HACL1: variants seen among roughly 807,000 people sequenced by gnomAD.
The protein encoded by HACL1 is 1600020H07Rik.
HACL1 carries 64 observed loss-of-function variants against 74.2 expected under a neutral mutation model. That is an observed-to-expected ratio of 0.86 (90% CI 0.70 to 1.06). The LOEUF is 1.06. Ranked by LOEUF, HACL1 falls within the 50% of genes least tolerant of loss-of-function variation. The probability of loss-of-function intolerance (pLI) is 0.00; values close to 1 mark genes in which losing one functional copy is unlikely to be tolerated. For synonymous variants in HACL1, 230 were observed against 238.8 expected, an observed-to-expected ratio of 0.96 and a Z score of 0.34; for missense variants, 728 against 719.7, an observed-to-expected ratio of 1.01 and a Z score of -0.13.
chr3:15,588,788 T>TCGC (rs2063837713), intron 5 of HACL1, among the ~76,000 whole-genome samples: 1 of 148,318 alleles, frequency 6.7e-6, no homozygotes, highest in Non-Finnish European at 1.5e-5. Flanking sequence ...TGACATATTC[T>TCGC]TTCAAGTTTC....
chr3:15,586,092 C>G (rs1386328918), intron 6 of HACL1, among the ~76,000 whole-genome samples: 1 of 152,136 alleles, frequency 6.6e-6, no homozygotes, highest in African/African-American at 2.4e-5. Flanking sequence ...AATCTGCAGT[C>G]AGAAACACTT....
At chr3:15,590,001 C>A (rs755130331) in intron 4 of HACL1, among the ~76,000 whole-genome samples, 23 of 151,894 alleles carry the variant, frequency 1.5e-4, no homozygotes, top group Non-Finnish European at 2.8e-4. Context: ...TGCCACTGCA[C>A]CCCAGCCTGG....
intron 2 of HACL1, among the ~76,000 whole-genome samples, chr3:15,597,339 TTTA>T (rs1386978856): frequency 6.6e-6 from 1 of 152,166 alleles, no homozygotes; most frequent in East Asian, 1.9e-4. Flanking sequence ...TCCTTGGCGA[TTTA>T]TTGAGATTTC....
intron 14 of HACL1, 127 bp downstream of exon 14, chr3:15,567,717 C>T: frequency 1.2e-6 from 1 of 828,660 alleles, no homozygotes; most frequent in South Asian, 1.6e-5. Context: ...ATCCTCAGGA[C>T]AGAACACAGT....
intron 10 of HACL1, 92 bp from the exon 11 acceptor site, chr3:15,573,334 T>C (rs933090246): frequency 4.1e-6 from 3 of 723,404 alleles, no homozygotes; most frequent in Non-Finnish European, 7.3e-6. Flanking sequence ...ACTGTGTATA[T>C]AGAACACATG....
chr3:15,574,251 C>T (rs1358843497), intron 10 of HACL1, among the ~76,000 whole-genome samples: 1 of 152,098 alleles, frequency 6.6e-6, no homozygotes, highest in African/African-American at 2.4e-5. Flanking sequence ...GTCTATAGTC[C>T]CAGCATGTCA....
intron 14 of HACL1, among the ~76,000 whole-genome samples, chr3:15,566,238 T>C (rs369437228): frequency 2.0e-5 from 3 of 152,284 alleles, no homozygotes; most frequent in South Asian, 2.1e-4. Flanking sequence ...AGTTTAAATA[T>C]AGCTGGAAAA....
chr3:15,592,142 ATG>A, intron 3 of HACL1, among the ~76,000 whole-genome samples: 7 of 149,562 alleles, frequency 4.7e-5, no homozygotes, highest in African/African-American at 1.7e-4. Context: ...ACGTGTATAT[ATG>A]TATACATACG....
intron 3 of HACL1, among the ~76,000 whole-genome samples, chr3:15,593,476 C>G: frequency 6.6e-6 from 1 of 152,022 alleles, no homozygotes; most frequent in South Asian, 2.1e-4. Context: ...GCCTTGGCCT[C>G]CCAAAGTGCT....
intron 9 of HACL1, among the ~76,000 whole-genome samples, chr3:15,577,726 A>C (rs2063650994): frequency 6.6e-6 from 1 of 152,128 alleles, no homozygotes; most frequent in African/African-American, 2.4e-5. Flanking sequence ...TTAGCCCAGC[A>C]GGCAGAGGTT....
chr3:15,566,757 TG>T (rs1457350751), intron 14 of HACL1, among the ~76,000 whole-genome samples: 1 of 151,378 alleles, frequency 6.6e-6, no homozygotes, highest in Admixed American at 6.6e-5. Flanking sequence ...AAGGAATTTC[TG>T]CCTAAAGGAT....
At chr3:15,579,623 A>T (rs1442271696) in intron 9 of HACL1, among the ~76,000 whole-genome samples, 2 of 152,224 alleles carry the variant, frequency 1.3e-5, no homozygotes, top group African/African-American at 4.8e-5. Context: ...AAATTAAAAT[A>T]AACCATTTCC....
intron 12 of HACL1, among the ~76,000 whole-genome samples, chr3:15,570,438 GAT>G (rs965295766): frequency 2.0e-5 from 3 of 151,514 alleles, no homozygotes; most frequent in African/African-American, 4.9e-5. Flanking sequence ...TAAGACAATT[GAT>G]ATATTAGGGA....
intron 3 of HACL1, among the ~76,000 whole-genome samples, chr3:15,594,582 A>G (rs1339837813): frequency 6.6e-6 from 1 of 152,230 alleles, no homozygotes; most frequent in African/African-American, 2.4e-5. Flanking sequence ...CAAGTAAACT[A>G]AACTTCTAGA....
intron 6 of HACL1, among the ~76,000 whole-genome samples, chr3:15,586,137 G>A (rs959368365): frequency 1.3e-5 from 2 of 152,128 alleles, no homozygotes. Flanking sequence ...TAATCAACCT[G>A]TATGCTGTAT....
At chr3:15,574,771 G>GAAGTA (rs142231938) in intron 10 of HACL1, among the ~76,000 whole-genome samples, 43,058 of 151,818 alleles carry the variant, frequency 0.28, 9,466 homozygotes, top group African/African-American at 0.59. Flanking sequence ...TTTCTGGCTA[G>GAAGTA]AAGTGGCACA....
intron 3 of HACL1, among the ~76,000 whole-genome samples, chr3:15,593,196 T>C (rs1046706179): frequency 4.8e-5 from 7 of 147,136 alleles, no homozygotes; most frequent in East Asian, 2.1e-4. Flanking sequence ...CACATATATA[T>C]GTGCGTGTGT....
chr3:15,565,167 A>G (rs1181690791), intron 14 of HACL1, among the ~76,000 whole-genome samples: 2 of 143,944 alleles, frequency 1.4e-5, no homozygotes, highest in East Asian at 4.0e-4. Flanking sequence ...TCCATCTCAG[A>G]AAAAAAAAAA....
intron 4 of HACL1, 136 bp downstream of exon 4, chr3:15,591,464 C>G: frequency 1.9e-6 from 1 of 534,616 alleles, no homozygotes; most frequent in South Asian, 2.4e-5. Flanking sequence ...GTAACTAACT[C>G]TACTTTCAGT....
Sources: allele counts gnomAD v4.1 joint callset (sites outside exome capture counted in the v4.1 genomes callset), GRCh38; gene constraint gnomAD v4.1.1; transcripts MANE v1.5; gene names NCBI Gene and HGNC (gene_info 2026-07-23, HGNC 2026-07-21).